PTK2B: variants seen among roughly 807,000 people sequenced by gnomAD.
PTK2B encodes the protein protein tyrosine kinase 2 beta, also known as protein-tyrosine kinase 2-beta.
PTK2B carries 71 observed loss-of-function variants against 142.9 expected under a neutral mutation model. The observed-to-expected ratio is 0.50, with a 90% CI of 0.41 to 0.61. The LOEUF (loss-of-function observed/expected upper bound fraction) is 0.61. PTK2B is among the 20% of genes least tolerant of loss of function. The pLI, the probability that PTK2B is intolerant of heterozygous loss-of-function variation, is 0.00. For synonymous variants in PTK2B, 519 were observed against 503.4 expected, an observed-to-expected ratio of 1.03 and a Z score of -0.42; for missense variants, 1,105 against 1,320.4, an observed-to-expected ratio of 0.84 and a Z score of 2.53.
At chr8:27,389,590 C>G (rs574597936) in intron 1 of PTK2B, among the ~76,000 whole-genome samples, 27 of 152,316 alleles carry the variant, frequency 1.8e-4, no homozygotes, top group Admixed American at 9.1e-4. Context: ...CTGGCAGGAG[C>G]TGGCAACAGG....
chr8:27,439,386 G>C lies in PTK2B; in HGVS notation c.1822G>C (p.Val608Leu). The C allele has an allele frequency of 6.2e-7, 1 of 1,613,406 alleles. No homozygotes were observed. Among genetic ancestry groups the C allele is most frequent in the Non-Finnish European group, 8.5e-7 (1 of 1,179,340 alleles). ...NFRRFTTASDVWMFAVCMWEI... is the reference protein window; with the variant it reads ...NFRRFTTASDLWMFAVCMWEI... Reference sequence around the variant, plus strand: ...CCGACGCTTCACGACAGCCAGTGACGTCTGGATGTTCGGTGAGTGCTGATT... The same window carrying C: ...CCGACGCTTCACGACAGCCAGTGACCTCTGGATGTTCGGTGAGTGCTGATT... The change falls in exon 20 of 31, where the codon GTC becomes CTC. Residue 608 changes from valine (V) to leucine (L), a missense_variant. Val to Leu is a conservative substitution (Grantham distance 32). Coordinates refer to ENST00000346049, the MANE Select transcript of PTK2B (RefSeq NM_173176.3).
chr8:27,360,109 G>A (rs1312154172), intron 1 of PTK2B, among the ~76,000 whole-genome samples: 9 of 152,232 alleles, frequency 5.9e-5, no homozygotes, highest in African/African-American at 1.7e-4. Flanking sequence ...AGGGGGAAGG[G>A]CCCAGTCGAC....
At chr8:27,330,892 A>T (rs544926316) in intron 1 of PTK2B, among the ~76,000 whole-genome samples, 44 of 152,224 alleles carry the variant, frequency 2.9e-4, no homozygotes, top group Non-Finnish European at 1.6e-4. Context: ...TTTTCCCAGC[A>T]CTAAGGTGGT....
At chr8:27,354,394 T>A (rs1326850523) in intron 1 of PTK2B, among the ~76,000 whole-genome samples, 1 of 151,868 alleles carries the variant, frequency 6.6e-6, no homozygotes, top group Non-Finnish European at 1.5e-5. Flanking sequence ...TGATGAGCCG[T>A]CTCCACTAGC....
chr8:27,310,736 G>A, upstream of PTK2B: 3 of 1,489,844 alleles, frequency 2.0e-6, no homozygotes, highest in South Asian at 1.3e-5. Flanking sequence ...GGCGGGAGCC[G>A]CAGAGCCAAG....
chr8:27,312,860 A>G (rs1441597306), intron 2 of PTK2B, among the ~76,000 whole-genome samples: 1 of 152,210 alleles, frequency 6.6e-6, no homozygotes. Flanking sequence ...TAAGAGCCCG[A>G]TTCCAGAGAG....
At chr8:27,437,708 C>T (rs1431199831) in intron 17 of PTK2B, 57 bp from the exon 18 acceptor site, 3 of 1,522,674 alleles carry the variant, frequency 2.0e-6, no homozygotes, top group Admixed American at 3.8e-5. Flanking sequence ...ACCCTGGTCC[C>T]CTGGCTCCAT....
chr8:27,434,615 C>A, intron 13 of PTK2B, 56 bp downstream of exon 13: 1 of 1,549,044 alleles, frequency 6.5e-7, no homozygotes. Context: ...CTGCTTGCTC[C>A]CCACTGCTTG....
chr8:27,391,952 T>A (rs1807752205), intron 1 of PTK2B, among the ~76,000 whole-genome samples: 2 of 152,258 alleles, frequency 1.3e-5, no homozygotes, highest in South Asian at 4.1e-4. Flanking sequence ...GGATGTAGTC[T>A]CCTCTGACTC....
chr8:27,453,192 G>A (rs1369360105), intron 28 of PTK2B, 32 bp downstream of exon 28: 2 of 1,613,092 alleles, frequency 1.2e-6, no homozygotes, highest in Non-Finnish European at 1.7e-6. Flanking sequence ...ACTGATAAAT[G>A]AGAGTGGGGG....
chr8:27,332,423 A>C (rs982202405), intron 1 of PTK2B, among the ~76,000 whole-genome samples: 11 of 151,778 alleles, frequency 7.2e-5, no homozygotes, highest in South Asian at 4.2e-4. Context: ...GGTGGGTTTG[A>C]CTCTCGACTC....
rs760025018 is a variant in PTK2B at position 27,453,143 on chromosome 8, C to T, written c.2578C>T (p.Pro860Ser). ...LEFTGPPQKP[P>S]RLGAQSIQPT... is the part of the protein sequence containing the mutation. ...GTTCACAGGGCCCCCACAGAAGCCC[C>T]CGAGGCTGGGCGCACAGGTATGTGT... is the stretch of plus-strand genomic sequence containing the variant. The change falls in exon 28 of 31, where the codon CCG becomes TCG. Residue 860 changes from proline to serine, a missense_variant. By Grantham distance (74) the Pro-to-Ser change is moderately conservative (BLOSUM62 -1). Transcript: ENST00000346049. 63 of 1,614,022 alleles carry T rather than the reference C, an allele frequency of 3.9e-5. No homozygotes were observed. The highest frequency in any genetic ancestry group is 3.2e-4 in the South Asian group (29 of 91,084).
At position 27,437,189 on chromosome 8, in the gene PTK2B, A is replaced by G; in HGVS notation, c.1409A>G (p.Lys470Arg). 6.2e-7 allele frequency: 1 copy of G among 1,614,002 alleles called. No individual in the cohort carries two copies. Among genetic ancestry groups the G allele is most frequent in the East Asian group, 2.2e-5 (1 of 44,856 alleles). The change falls in exon 16 of 31, where the codon AAG (lysine) becomes AGG (arginine). Residue 470 changes from lysine (K) to arginine (R), a missense_variant. Lys to Arg is a conservative substitution (Grantham distance 26). Coordinates refer to ENST00000346049, the MANE Select transcript of PTK2B (RefSeq NM_173176.3). ...GACTGCACTCTGGACAACAAGGAGA[A>G]GTTCATGAGCGAGGCAGGTAGGGAC... ...KKDCTLDNKE[K>R]FMSEAVIMKN...
At chr8:27,415,172 G>A (rs1809324887) in intron 2 of PTK2B, among the ~76,000 whole-genome samples, 1 of 152,050 alleles carries the variant, frequency 6.6e-6, no homozygotes, top group Non-Finnish European at 1.5e-5. Flanking sequence ...ATTCCAAATT[G>A]GTACTATTAT....
intron 1 of PTK2B, among the ~76,000 whole-genome samples, chr8:27,332,399 T>G (rs1393602080): frequency 1.3e-5 from 2 of 152,206 alleles, no homozygotes; most frequent in African/African-American, 4.8e-5. Flanking sequence ...GTGATGAATT[T>G]GGGATCAGAA....
chr8:27,418,550 A>G (rs141541622), intron 2 of PTK2B, among the ~76,000 whole-genome samples: 14 of 152,296 alleles, frequency 9.2e-5, no homozygotes, highest in Non-Finnish European at 1.6e-4. Flanking sequence ...ACAGCAACCT[A>G]TTATGCATTA....
chr8:27,441,768 T>C (rs1811170284), intron 21 of PTK2B, among the ~76,000 whole-genome samples: 1 of 152,282 alleles, frequency 6.6e-6, no homozygotes, highest in South Asian at 2.1e-4. Context: ...ATAAAAGTAT[T>C]TGAAGGATGT....
intron 23 of PTK2B, among the ~76,000 whole-genome samples, chr8:27,444,946 G>C (rs1163321169): frequency 2.6e-5 from 4 of 152,154 alleles, no homozygotes; most frequent in African/African-American, 9.7e-5. Context: ...TTGTTCTCAA[G>C]GAAATGCCTG....
chr8:27,353,256 G>A (rs1192166163), intron 1 of PTK2B, among the ~76,000 whole-genome samples: 1 of 152,236 alleles, frequency 6.6e-6, no homozygotes, highest in African/African-American at 2.4e-5. Flanking sequence ...GTTGGGGGCT[G>A]TGTTTTTCTC....
Sources: gnomAD v4.1 joint callset for allele counts (sites outside exome capture counted in the v4.1 genomes callset) on GRCh38, gnomAD v4.1.1 for gene constraint, MANE v1.5 for transcripts, NCBI Gene and HGNC (gene_info 2026-07-23, HGNC 2026-07-21) for gene names.